The following ATP8B4 variants were observed in gnomAD, a reference collection of about 807,000 sequenced individuals.
ATP8B4 encodes the protein ATPase phospholipid transporting 8B4 (putative).
ATP8B4 carries 133 observed loss-of-function variants against 145.6 expected under a neutral mutation model. The ratio of observed to expected loss-of-function variants is 0.91; its 90% CI spans 0.79 to 1.05. The LOEUF (loss-of-function observed/expected upper bound fraction) is 1.05, where lower values mean the gene tolerates loss of function less well. Among genes scored for constraint, ATP8B4 ranks in the 50% least tolerant of loss-of-function variants. ATP8B4 has a pLI of 0.00. For missense variants in ATP8B4, 1,458 were observed against 1,425.2 expected, an observed-to-expected ratio of 1.02 and a Z score of -0.37; for synonymous variants, 507 against 492.9, an observed-to-expected ratio of 1.03 and a Z score of -0.38.
intron 25 of ATP8B4, among the ~76,000 whole-genome samples, chr15:49,867,769 C>A (rs748083012): frequency 1.3e-5 from 2 of 152,020 alleles, no homozygotes; most frequent in African/African-American, 4.8e-5. Flanking sequence ...TAATAAGACC[C>A]CGTAAGAAGA....
chr15:50,076,515 A>G (rs1177290643), intron 2 of ATP8B4, among the ~76,000 whole-genome samples: 1 of 152,018 alleles, frequency 6.6e-6, no homozygotes, highest in African/African-American at 2.4e-5. Context: ...AAAGAAAAAA[A>G]AGAAACCATC....
chr15:50,043,198 G>C (rs1373679176), intron 5 of ATP8B4, among the ~76,000 whole-genome samples: 2 of 152,166 alleles, frequency 1.3e-5, no homozygotes, highest in African/African-American at 2.4e-5. Flanking sequence ...AATCACTCAG[G>C]ATGAAAATAT....
intron 13 of ATP8B4, among the ~76,000 whole-genome samples, chr15:49,968,462 G>A (rs552186381): frequency 6.6e-6 from 1 of 152,176 alleles, no homozygotes; most frequent in Admixed American, 6.5e-5. Context: ...AAAAAAAGCA[G>A]GGGTTGCAAT....
At chr15:49,982,839 A>G (rs1169900356) in intron 10 of ATP8B4, among the ~76,000 whole-genome samples, 3 of 152,206 alleles carry the variant, frequency 2.0e-5, no homozygotes. Flanking sequence ...TCACAACGCC[A>G]AAACAGATCT....
chr15:49,957,649 G>A (rs914769112), intron 14 of ATP8B4, among the ~76,000 whole-genome samples: 5 of 151,910 alleles, frequency 3.3e-5, no homozygotes, highest in Admixed American at 6.6e-5. Flanking sequence ...ATCAAATGAC[G>A]TTTAAATCAG....
chr15:50,172,001 C>A (rs548550317), intron 1 of ATP8B4, among the ~76,000 whole-genome samples: 2 of 152,254 alleles, frequency 1.3e-5, no homozygotes, highest in South Asian at 2.1e-4. Context: ...ATACAACCCT[C>A]CTAGCTTAAA....
intron 9 of ATP8B4, among the ~76,000 whole-genome samples, chr15:49,989,810 C>T (rs949055297): frequency 1.3e-5 from 2 of 152,126 alleles, no homozygotes; most frequent in Admixed American, 1.3e-4. Context: ...GCTCTATTAG[C>T]ATAAAACACA....
chr15:50,073,095 G>A (rs1456804816), intron 3 of ATP8B4, among the ~76,000 whole-genome samples: 1 of 147,654 alleles, frequency 6.8e-6, no homozygotes, highest in Non-Finnish European at 1.5e-5. Flanking sequence ...GTATATATAT[G>A]TGTGTGTGTG....
rs183314325 is a variant in ATP8B4 at position 49,934,663 on chromosome 15, C to G, written c.1288-481G>C. On this transcript the variant is annotated intron_variant, in intron 14 of 27. Transcript: ENST00000284509. ...TAATGTGTTTGATTACAGGTACTTTCTCAGATGTCACTGGAGTTATTGCAC... is the reference window on the plus strand; with the variant it reads ...TAATGTGTTTGATTACAGGTACTTTGTCAGATGTCACTGGAGTTATTGCAC... Among the ~76,000 whole-genome samples, 165 of 152,184 alleles carry G rather than the reference C, an allele frequency of 1.1e-3. 1 individual carries two copies. Among genetic ancestry groups the G allele is most frequent in the African/African-American group, 3.7e-3 (155 of 41,554 alleles).
intron 3 of ATP8B4, among the ~76,000 whole-genome samples, chr15:50,059,579 G>A (rs573538101): frequency 6.6e-6 from 1 of 152,222 alleles, no homozygotes; most frequent in Admixed American, 6.5e-5. Context: ...TGCAGTTCCT[G>A]AACCTCCTCC....
intron 7 of ATP8B4, among the ~76,000 whole-genome samples, chr15:50,007,224 A>G (rs2048372231): frequency 6.6e-6 from 1 of 152,236 alleles, no homozygotes; most frequent in Admixed American, 6.5e-5. Context: ...ATCAGGTTGC[A>G]AATTCTAAGT....
intron 4 of ATP8B4, 138 bp downstream of exon 4, chr15:50,047,213 C>T (rs1024248399): frequency 4.9e-6 from 3 of 608,350 alleles, no homozygotes; most frequent in Middle Eastern, 4.5e-4. Context: ...AAAGAAACAG[C>T]AACAACAAGA....
At chr15:49,978,246 T>C (rs1326143458) in intron 12 of ATP8B4, among the ~76,000 whole-genome samples, 2 of 152,232 alleles carry the variant, frequency 1.3e-5, no homozygotes, top group Non-Finnish European at 2.9e-5. Flanking sequence ...AAGCTGACTG[T>C]AGCTCTTCCG....
intron 5 of ATP8B4, among the ~76,000 whole-genome samples, chr15:50,041,877 T>G (rs572614331): frequency 6.6e-6 from 1 of 151,788 alleles, no homozygotes; most frequent in East Asian, 1.9e-4. Flanking sequence ...GAGGCGGAGG[T>G]TGCAGTGAGC....
At chr15:50,120,244 G>A (rs2057254018), upstream of ATP8B4, among the ~76,000 whole-genome samples, 1 of 152,108 alleles carries the variant, frequency 6.6e-6, no homozygotes. Context: ...ACAGAAACAA[G>A]GGCCTTTTCC....
intron 1 of ATP8B4, among the ~76,000 whole-genome samples, chr15:50,151,608 T>A (rs4238380): frequency 0.98 from 149,500 of 152,262 alleles, 73,444 homozygotes; most frequent in East Asian, 1. Context: ...AAAAGTAGCT[T>A]GATGTAGTGG....
At chr15:50,070,418 T>G (rs1475708367) in intron 3 of ATP8B4, among the ~76,000 whole-genome samples, 4 of 152,216 alleles carry the variant, frequency 2.6e-5, no homozygotes, top group Non-Finnish European at 4.4e-5. Flanking sequence ...ATAACTGTAT[T>G]AAATAGGTAC....
intron 2 of ATP8B4, among the ~76,000 whole-genome samples, chr15:50,081,221 C>T (rs1327723290): frequency 6.6e-6 from 1 of 151,988 alleles, no homozygotes; most frequent in Non-Finnish European, 1.5e-5. Context: ...CATTTTAACT[C>T]ATACCTCTCC....
At chr15:49,952,483 A>G (rs1046395872) in intron 14 of ATP8B4, among the ~76,000 whole-genome samples, 6 of 152,048 alleles carry the variant, frequency 3.9e-5, no homozygotes, top group Admixed American at 1.3e-4. Context: ...TGTTTAGTCA[A>G]TTCGGCTGTT....
Sources: allele counts gnomAD v4.1 joint callset (sites outside exome capture counted in the v4.1 genomes callset), GRCh38; gene constraint gnomAD v4.1.1; transcripts MANE v1.5; gene names NCBI Gene and HGNC (gene_info 2026-07-23, HGNC 2026-07-21).